The following SLC24A2 variants were observed in gnomAD, a reference collection of about 807,000 sequenced individuals.
SLC24A2 encodes solute carrier family 24 member 2, also known as sodium/potassium/calcium exchanger 2.
A neutral mutation model predicts 62.0 loss-of-function variants in SLC24A2; 36 were observed. The ratio of observed to expected loss-of-function variants is 0.58; its 90% CI spans 0.44 to 0.77. SLC24A2 has a LOEUF of 0.77. Ranked by LOEUF, SLC24A2 falls within the 30% of genes least tolerant of loss-of-function variation. The probability of loss-of-function intolerance (pLI) is 0.00; values close to 1 mark genes in which losing one functional copy is unlikely to be tolerated. For synonymous variants in SLC24A2, 358 were observed against 294.0 expected (o/e 1.22, Z -2.23); for missense variants, 846 against 817.9 (o/e 1.03, Z -0.42).
At chr9:19,918,140 ATGTGTGTGTGTG>A in the SLC24A2 span, among the ~76,000 whole-genome samples, 2 of 147,940 alleles carry the variant, frequency 1.4e-5, no homozygotes, top group Non-Finnish European at 3.0e-5. Context: ...AACTGACATT[ATGTGTGTGTGTG>A]TGTGTGTGTG....
chr9:20,191,725 C>G, the SLC24A2 span, among the ~76,000 whole-genome samples: 2 of 150,688 alleles, frequency 1.3e-5, no homozygotes, highest in African/African-American at 4.9e-5. Context: ...GTGGTAAGTG[C>G]CCTCTAAGGG....
At chr9:19,984,382 C>G in the SLC24A2 span, among the ~76,000 whole-genome samples, 58 of 152,188 alleles carry the variant, frequency 3.8e-4, no homozygotes, top group African/African-American at 1.3e-3. Flanking sequence ...AAAGAACACA[C>G]AGACTAGTGA....
the SLC24A2 span, among the ~76,000 whole-genome samples, chr9:20,201,965 G>A: frequency 6.6e-6 from 1 of 151,710 alleles, no homozygotes; most frequent in Non-Finnish European, 1.5e-5. Flanking sequence ...TAGAAAAAAA[G>A]AAAGAAAAAA....
the SLC24A2 span, among the ~76,000 whole-genome samples, chr9:19,848,480 G>A: frequency 6.6e-6 from 1 of 152,092 alleles, no homozygotes; most frequent in Admixed American, 6.6e-5. Flanking sequence ...ATATAGCAGT[G>A]TACGTAACAT....
At chr9:19,758,087 C>T (rs1435753755) in intron 2 of SLC24A2, among the ~76,000 whole-genome samples, 1 of 152,100 alleles carries the variant, frequency 6.6e-6, no homozygotes, top group Admixed American at 6.6e-5. Context: ...TATCTAGTCT[C>T]AGGTATTATG....
chr9:19,544,174 C>G (rs1834426354), intron 8 of SLC24A2, among the ~76,000 whole-genome samples: 1 of 151,644 alleles, frequency 6.6e-6, no homozygotes. Flanking sequence ...ATCCCTTTAC[C>G]ATTAGGTAAT....
the SLC24A2 span, among the ~76,000 whole-genome samples, chr9:20,020,650 C>T: frequency 6.6e-6 from 1 of 152,194 alleles, no homozygotes; most frequent in Non-Finnish European, 1.5e-5. Context: ...TAGCAAACCA[C>T]CATGGCAATT....
At chr9:19,903,298 T>C in the SLC24A2 span, among the ~76,000 whole-genome samples, 2 of 152,176 alleles carry the variant, frequency 1.3e-5, no homozygotes, top group African/African-American at 4.8e-5. Flanking sequence ...GCTTTCTCGT[T>C]ATAACCTCAC....
At chr9:19,591,082 C>G (rs1836535571) in intron 5 of SLC24A2, among the ~76,000 whole-genome samples, 1 of 152,100 alleles carries the variant, frequency 6.6e-6, no homozygotes, top group Non-Finnish European at 1.5e-5. Flanking sequence ...CCCCAGGGCT[C>G]AATTCTTGGC....
the SLC24A2 span, among the ~76,000 whole-genome samples, chr9:19,968,889 C>T: frequency 2.6e-5 from 4 of 152,188 alleles, no homozygotes; most frequent in East Asian, 7.7e-4. Flanking sequence ...AAAAGAAATA[C>T]TTGGGATAGG....
chr9:19,643,008 T>G (rs909139193), intron 2 of SLC24A2, among the ~76,000 whole-genome samples: 1 of 112,240 alleles, frequency 8.9e-6, no homozygotes, highest in East Asian at 2.9e-4. Flanking sequence ...TTTTTTTTTT[T>G]AACATATCTG....
the SLC24A2 span, among the ~76,000 whole-genome samples, chr9:19,905,457 G>A: frequency 4.8e-3 from 725 of 150,258 alleles, 10 homozygotes; most frequent in African/African-American, 0.017. Context: ...TGCCTAGGCT[G>A]GAGTGCAATG....
At chr9:19,897,401 C>A in the SLC24A2 span, among the ~76,000 whole-genome samples, 1 of 151,912 alleles carries the variant, frequency 6.6e-6, no homozygotes. Context: ...TAGACATGTA[C>A]TAAAAGAAGC....
At position 19,516,245 on chromosome 9, in the gene SLC24A2, G is replaced by T. The variant is rs1251001226; in HGVS notation, c.1894C>A (p.Leu632Met). ...TAGAGGCCAAACATGATGAAGCCCAGGATTTTGTTCATTCGCCACTTGCAG... is the reference window on the plus strand; with the variant it reads ...TAGAGGCCAAACATGATGAAGCCCATGATTTTGTTCATTCGCCACTTGCAG... ...ALCKWRMNKI[L>M]GFIMFGLYFV... The change falls in exon 11 of 11, where the codon CTG becomes ATG. Residue 632 changes from leucine (L) to methionine (M), a missense_variant. Leu to Met is a conservative substitution (Grantham distance 15, BLOSUM62 2). Coordinates refer to ENST00000341998, the MANE Select transcript of SLC24A2 (RefSeq NM_020344.4). The T allele has an allele frequency of 3.1e-6, 5 of 1,614,068 alleles. No homozygotes were observed. The highest frequency in any genetic ancestry group is 4.2e-6 in the Non-Finnish European group (5 of 1,180,042).
At chr9:20,104,555 A>C in the SLC24A2 span, among the ~76,000 whole-genome samples, 1 of 152,250 alleles carries the variant, frequency 6.6e-6, no homozygotes, top group Non-Finnish European at 1.5e-5. Flanking sequence ...CAGCATTCTT[A>C]AAGAAAAGAA....
At chr9:19,791,516 G>A (rs1404634276), upstream of SLC24A2, among the ~76,000 whole-genome samples, 1 of 152,198 alleles carries the variant, frequency 6.6e-6, no homozygotes, top group East Asian at 1.9e-4. Flanking sequence ...ATCTCAATGA[G>A]ATCCATATTC....
chr9:19,979,710 G>A, the SLC24A2 span, among the ~76,000 whole-genome samples: 2 of 152,132 alleles, frequency 1.3e-5, no homozygotes, highest in Admixed American at 1.3e-4. Context: ...TACGGGAGAT[G>A]ATCCCAATAT....
intron 5 of SLC24A2, among the ~76,000 whole-genome samples, chr9:19,587,047 C>G (rs941194277): frequency 1.3e-5 from 2 of 152,166 alleles, no homozygotes; most frequent in African/African-American, 4.8e-5. Flanking sequence ...CAACTACCTC[C>G]TAATGGGCAT....
chr9:19,978,322 G>T, the SLC24A2 span, among the ~76,000 whole-genome samples: 1 of 152,122 alleles, frequency 6.6e-6, no homozygotes, highest in African/African-American at 2.4e-5. Context: ...CAAGAAGAGA[G>T]CCTTGGAAAT....
Sources: allele counts gnomAD v4.1 joint callset (sites outside exome capture counted in the v4.1 genomes callset), GRCh38; gene constraint gnomAD v4.1.1; transcripts MANE v1.5; gene names NCBI Gene and HGNC (gene_info 2026-07-23, HGNC 2026-07-21).